Variants in PTPRO observed in about 807,000 individuals in gnomAD.
The protein encoded by PTPRO is protein tyrosine phosphatase receptor type O.
In PTPRO, 62 loss-of-function variants were observed where a neutral mutation model predicts 145.2. The ratio of observed to expected loss-of-function variants is 0.43; its 90% confidence interval spans 0.35 to 0.53. The LOEUF is 0.53. Ranked by LOEUF, PTPRO falls within the 20% of genes least tolerant of loss-of-function variation. PTPRO has a pLI of 0.01. For missense variants in PTPRO, 1,345 were observed against 1,482.7 expected (o/e 0.91, Z 1.53); for synonymous variants, 565 against 514.7 (o/e 1.10, Z -1.32).
At chr12:15,487,614 G>T (rs2136445911) in intron 2 of PTPRO, among the ~76,000 whole-genome samples, 1 of 151,564 alleles carries the variant, frequency 6.6e-6, no homozygotes, top group Non-Finnish European at 1.5e-5. Context: ...GCTCTCTCTA[G>T]TCCCCTATCC....
intron 9 of PTPRO, among the ~76,000 whole-genome samples, chr12:15,519,248 C>A (rs1218616625): frequency 3.3e-5 from 5 of 152,196 alleles, no homozygotes; most frequent in Non-Finnish European, 7.3e-5. Flanking sequence ...TACTCACTAT[C>A]ATCAGAACAG....
At chr12:15,569,556 G>T in intron 19 of PTPRO, 58 bp downstream of exon 19, 3 of 1,464,046 alleles carry the variant, frequency 2.0e-6, no homozygotes, top group South Asian at 1.1e-5. Flanking sequence ...GGAATTGGGG[G>T]GTTTGTGTTG....
intron 1 of PTPRO, among the ~76,000 whole-genome samples, chr12:15,334,686 A>T (rs188092028): frequency 1.3e-5 from 2 of 152,264 alleles, no homozygotes; most frequent in Non-Finnish European, 2.9e-5. Context: ...AAATCAATAT[A>T]TCATCCAAAG....
chr12:15,551,766 G>T, intron 15 of PTPRO, 95 bp downstream of exon 15: 1 of 1,370,668 alleles, frequency 7.3e-7, no homozygotes, highest in Non-Finnish European at 1.0e-6. Flanking sequence ...TTGTATAGCG[G>T]TATATTGGAT....
intron 2 of PTPRO, among the ~76,000 whole-genome samples, chr12:15,491,243 A>G (rs1392749711): frequency 1.3e-5 from 2 of 152,228 alleles, no homozygotes; most frequent in Non-Finnish European, 2.9e-5. Context: ...GAAGAGACAC[A>G]TTCTTCAGCT....
intron 17 of PTPRO, among the ~76,000 whole-genome samples, chr12:15,562,125 A>G (rs1247007448): frequency 6.6e-6 from 1 of 152,114 alleles, no homozygotes; most frequent in Non-Finnish European, 1.5e-5. Flanking sequence ...ACTTCAGTAA[A>G]TTTCACACAT....
intron 1 of PTPRO, among the ~76,000 whole-genome samples, chr12:15,386,476 C>T (rs1227558377): frequency 6.6e-6 from 1 of 151,874 alleles, no homozygotes; most frequent in African/African-American, 2.4e-5. Flanking sequence ...ATACATATAT[C>T]TGATAACCTG....
At position 15,424,115 on chromosome 12, in the gene PTPRO, C is replaced by T. The variant is rs539704802; in HGVS notation, c.76-59859C>T. On this transcript the variant is annotated intron_variant, in intron 1 of 26. Coordinates refer to ENST00000281171, the MANE Select transcript of PTPRO (RefSeq NM_030667.3). ...ATTTTAAGTTATAACTGAATATTCTCAAATAAATGTTGCAAGAATATGAAG... is the reference window on the plus strand; with the variant it reads ...ATTTTAAGTTATAACTGAATATTCTTAAATAAATGTTGCAAGAATATGAAG... 5.3e-5 allele frequency among the ~76,000 whole-genome samples: 8 copies of T among 152,268 alleles called. No individual in the cohort carries two copies. In the East Asian group the frequency reaches 1.5e-3, roughly 29 times the overall value.
intron 1 of PTPRO, among the ~76,000 whole-genome samples, chr12:15,338,199 G>T (rs1381275711): frequency 6.6e-6 from 1 of 152,120 alleles, no homozygotes; most frequent in African/African-American, 2.4e-5. Context: ...ATATTTCCTT[G>T]CAACTTCGTA....
chr12:15,394,202 A>T (rs1159852833), intron 1 of PTPRO, among the ~76,000 whole-genome samples: 1 of 152,172 alleles, frequency 6.6e-6, no homozygotes, highest in African/African-American at 2.4e-5. Context: ...CACAGCCAAC[A>T]TAGTGAGCCA....
At chr12:15,440,866 C>T (rs1940745974) in intron 1 of PTPRO, among the ~76,000 whole-genome samples, 1 of 152,124 alleles carries the variant, frequency 6.6e-6, no homozygotes, top group African/African-American at 2.4e-5. Flanking sequence ...TTGGAGCAAC[C>T]AGATTTATAA....
intron 2 of PTPRO, 34 bp from the exon 3 acceptor site, chr12:15,497,211 C>G (rs1942125105): frequency 6.6e-7 from 1 of 1,523,920 alleles, no homozygotes; most frequent in African/African-American, 1.4e-5. Flanking sequence ...TCTCCTCTTT[C>G]TTTTCCCTTT....
intron 1 of PTPRO, among the ~76,000 whole-genome samples, chr12:15,474,039 C>T (rs1822453494): frequency 6.6e-6 from 1 of 152,136 alleles, no homozygotes; most frequent in African/African-American, 2.4e-5. Context: ...GATCTCAAGG[C>T]TATTGCTTTG....
chr12:15,452,545 C>T (rs1941073682), intron 1 of PTPRO, among the ~76,000 whole-genome samples: 1 of 152,036 alleles, frequency 6.6e-6, no homozygotes, highest in South Asian at 2.1e-4. Flanking sequence ...TGACAGAAAA[C>T]AAGAAAACTA....
At chr12:15,518,330 C>T (rs935053875) in intron 9 of PTPRO, among the ~76,000 whole-genome samples, 8 of 152,332 alleles carry the variant, frequency 5.3e-5, no homozygotes, top group African/African-American at 1.9e-4. Context: ...AGGCTGTACA[C>T]AGCACAGGGA....
intron 2 of PTPRO, among the ~76,000 whole-genome samples, chr12:15,494,480 T>C (rs1003678181): frequency 3.3e-5 from 5 of 152,220 alleles, no homozygotes; most frequent in African/African-American, 1.2e-4. Flanking sequence ...ACTGGAGAGA[T>C]AGTAAAATAT....
chr12:15,504,152 T>C, intron 6 of PTPRO, 83 bp downstream of exon 6: 1 of 1,424,244 alleles, frequency 7.0e-7, no homozygotes, highest in Non-Finnish European at 9.8e-7. Context: ...CAGATGTCAA[T>C]TATTCACAAA....
At chr12:15,557,338 T>C (rs1250243520) in intron 15 of PTPRO, 117 bp from the exon 16 acceptor site, 7 of 1,016,014 alleles carry the variant, frequency 6.9e-6, no homozygotes, top group Non-Finnish European at 1.1e-5. Flanking sequence ...CCTAGCTTCT[T>C]CTTTTTTTTA....
intron 1 of PTPRO, among the ~76,000 whole-genome samples, chr12:15,397,153 A>G (rs984395124): frequency 2.6e-5 from 4 of 152,168 alleles, no homozygotes; most frequent in Admixed American, 2.0e-4. Context: ...TTATAACCCA[A>G]AGACTACATT....
Sources: allele counts gnomAD v4.1 joint callset (sites outside exome capture counted in the v4.1 genomes callset), GRCh38; gene constraint gnomAD v4.1.1; transcripts MANE v1.5; gene names NCBI Gene and HGNC (gene_info 2026-07-23, HGNC 2026-07-21).